Variants in STAT4 observed in about 807,000 individuals in gnomAD.
The protein encoded by STAT4 is signal transducer and activator of transcription 4.
A neutral mutation model predicts 110.5 loss-of-function variants in STAT4; 42 were observed. The ratio of observed to expected loss-of-function variants is 0.38; its 90% CI spans 0.30 to 0.49. The LOEUF is 0.49. STAT4 is among the 20% of genes least tolerant of loss of function. The probability of loss-of-function intolerance (pLI) is 0.95; values close to 1 mark genes in which losing one functional copy is unlikely to be tolerated. For missense variants in STAT4, 632 were observed against 887.9 expected, an observed-to-expected ratio of 0.71 and a Z score of 3.66; for synonymous variants, 284 against 302.2, an observed-to-expected ratio of 0.94 and a Z score of 0.63.
intron 3 of STAT4, among the ~76,000 whole-genome samples, chr2:191,126,454 T>C (rs1327898123): frequency 2.0e-5 from 3 of 152,246 alleles, no homozygotes; most frequent in Admixed American, 6.5e-5. Flanking sequence ...ACAACCACCA[T>C]GATGCTCCTA....
chr2:191,149,688 G>A (rs1267081056), intron 1 of STAT4, among the ~76,000 whole-genome samples: 2 of 152,166 alleles, frequency 1.3e-5, no homozygotes, highest in African/African-American at 4.8e-5. Flanking sequence ...GATATCGGAT[G>A]TATATATATT....
intron 3 of STAT4, among the ~76,000 whole-genome samples, chr2:191,078,352 T>A (rs1697370557): frequency 6.6e-6 from 1 of 152,200 alleles, no homozygotes; most frequent in Non-Finnish European, 1.5e-5. Context: ...TTGAACTTCT[T>A]CTACCTTCCT....
rs1695841221 is a variant in STAT4, at chr2:191,029,995, A to G, written c.2221-129T>C. 2.7e-6 allele frequency: 2 copies of G among 727,998 alleles called. No homozygotes were observed. Among genetic ancestry groups the G allele is most frequent in the Non-Finnish European group, 4.6e-6 (2 of 436,394 alleles). 45.1% of individuals were successfully genotyped at this position (727,998 alleles called of 1,614,324 possible). A position where few individuals can be genotyped will look rare whatever the true frequency, so the allele number is the denominator to read the frequency against. ...AATTTTTCTATTACCTAGTTAAAATACTTAAACTAAGTATTTGCAAAAGTA... is the reference window on the plus strand; with the variant it reads ...AATTTTTCTATTACCTAGTTAAAATGCTTAAACTAAGTATTTGCAAAAGTA... On this transcript the variant is annotated intron_variant, in intron 23 of 23. Transcript: ENST00000392320. The surrounding 1 kb of genome is among the most constrained non-coding windows in gnomAD (Gnocchi z 4.5).
intron 3 of STAT4, among the ~76,000 whole-genome samples, chr2:191,101,158 T>C (rs936371472): frequency 3.9e-5 from 6 of 152,158 alleles, no homozygotes; most frequent in Non-Finnish European, 7.4e-5. Context: ...GTAAAAATGT[T>C]CTTTGCAGAA....
intron 4 of STAT4, 26 bp downstream of exon 4, chr2:191,076,201 A>G: frequency 5.7e-6 from 9 of 1,587,236 alleles, no homozygotes; most frequent in Non-Finnish European, 7.8e-6. Flanking sequence ...AGGTGATAAC[A>G]AGATCACAAG....
intron 3 of STAT4, among the ~76,000 whole-genome samples, chr2:191,141,283 A>G (rs1402217765): frequency 4.0e-5 from 6 of 151,878 alleles, no homozygotes; most frequent in African/African-American, 1.2e-4. Flanking sequence ...GTCAACAGAT[A>G]TAAGAAAAAA....
At chr2:191,048,308 A>G (rs6715106) in intron 14 of STAT4, among the ~76,000 whole-genome samples, 9,478 of 152,270 alleles carry the variant, frequency 0.062, 343 homozygotes, top group Middle Eastern at 0.12. Context: ...CTGACATACT[A>G]TACACAAGAC....
At chr2:191,098,437 A>G (rs1254994217) in intron 3 of STAT4, among the ~76,000 whole-genome samples, 2 of 152,224 alleles carry the variant, frequency 1.3e-5, no homozygotes, top group African/African-American at 2.4e-5. Flanking sequence ...GCAGCCATAA[A>G]AAAGGATGAG....
chr2:191,130,897 A>G (rs1699017460), intron 3 of STAT4, among the ~76,000 whole-genome samples: 1 of 151,740 alleles, frequency 6.6e-6, no homozygotes, highest in African/African-American at 2.4e-5. Context: ...AGCACTACAT[A>G]TGAAAGCATA....
chr2:191,109,217 A>G (rs1046326623), intron 3 of STAT4, among the ~76,000 whole-genome samples: 1 of 152,178 alleles, frequency 6.6e-6, no homozygotes, highest in African/African-American at 2.4e-5. Context: ...AGGAAATTCT[A>G]TTCATTTTGA....
chr2:191,049,257 C>T (rs1696450087), intron 14 of STAT4, among the ~76,000 whole-genome samples: 1 of 147,450 alleles, frequency 6.8e-6, no homozygotes, highest in African/African-American at 2.5e-5. Context: ...TCACTGCAAG[C>T]TCTGCCTCCC....
chr2:191,036,995 C>G (rs1048405087), intron 16 of STAT4, among the ~76,000 whole-genome samples: 2 of 152,154 alleles, frequency 1.3e-5, no homozygotes, highest in African/African-American at 4.8e-5. Flanking sequence ...AATCAGGGCT[C>G]CATCTTTCTT....
Position 191,029,820 on chromosome 2 carries a change from G to T in STAT4, c.*20C>A. On this transcript the variant is annotated 3_prime_UTR_variant, in exon 24 of 24. Transcript: ENST00000392320. This position sits in a 1 kb window ranked among gnomAD's most constrained non-coding sequence, Gnocchi z 4.5. ...ACTTTTTCATTTGCTTCCTTTCTTG[G>T]TGCGTCAGAGTTTATCCTGTCATTC... 1 of 1,596,390 alleles carries T rather than the reference G, an allele frequency of 6.3e-7. No individual in the cohort carries two copies. Among genetic ancestry groups the T allele is most frequent in the Admixed American group, 1.8e-5 (1 of 56,668 alleles).
At chr2:191,129,727 C>A (rs1411866973) in intron 3 of STAT4, among the ~76,000 whole-genome samples, 6 of 152,168 alleles carry the variant, frequency 3.9e-5, no homozygotes, top group Non-Finnish European at 5.9e-5. Flanking sequence ...GCTCAAACTC[C>A]TCAGTGGCTT....
chr2:191,032,874 G>T lies in STAT4; in HGVS notation c.2044+84C>A. On this transcript the variant is annotated intron_variant, in intron 21 of 23. Transcript: ENST00000392320. The surrounding 1 kb of genome is among the most constrained non-coding windows in gnomAD (Gnocchi z 4.9). ...CAGAAATCAGAGTAAACAAGAAGGG[G>T]AACTTCATTTACTTTGCTCCAATAT... The T allele has an allele frequency of 7.5e-7, 1 of 1,331,322 alleles. No homozygotes were observed. Among genetic ancestry groups the T allele is most frequent in the Non-Finnish European group, 1.0e-6 (1 of 967,510 alleles). 82.5% of individuals were successfully genotyped at this position (1,331,322 alleles called of 1,614,324 possible).
In STAT4 at chr2:191,140,637, C is replaced by A. The variant is rs1699297100; in HGVS notation, c.273+5976G>T. ...GTGAAAAGGGAACACTGTTAGACTG[C>A]TGATGGGAATGTAAACTAGTACAAC... is the stretch of plus-strand genomic sequence containing the variant. On this transcript the variant is annotated intron_variant, in intron 3 of 23. Coordinates refer to ENST00000392320, the MANE Select transcript of STAT4 (RefSeq NM_003151.4). This position sits in a 1 kb window ranked among gnomAD's most constrained non-coding sequence, Gnocchi z 4.4. Among the ~76,000 whole-genome samples, 1 of 152,134 alleles carries A rather than the reference C, an allele frequency of 6.6e-6. No homozygotes were observed. Among genetic ancestry groups the A allele is most frequent in the Non-Finnish European group, 1.5e-5 (1 of 68,018 alleles).
rs561975216 is a variant in STAT4 at position 191,029,982 on chromosome 2, A to G, written c.2221-116T>C. ...CGAATTACTCCATAATTTTTCTATTACCTAGTTAAAATACTTAAACTAAGT... is the reference window on the plus strand; with the variant it reads ...CGAATTACTCCATAATTTTTCTATTGCCTAGTTAAAATACTTAAACTAAGT... On this transcript the variant is annotated intron_variant, in intron 23 of 23. Coordinates refer to ENST00000392320, the MANE Select transcript of STAT4 (RefSeq NM_003151.4). The surrounding 1 kb of genome is among the most constrained non-coding windows in gnomAD (Gnocchi z 4.5). The G allele has an allele frequency of 2.7e-5, 22 of 811,254 alleles. No homozygotes were observed. In the South Asian group the frequency reaches 3.6e-4, roughly 13 times the overall value. 50.3% of individuals were successfully genotyped at this position (811,254 alleles called of 1,614,324 possible).
In STAT4 at chr2:191,087,897, TA is replaced by T. The variant is rs1051229782; in HGVS notation, c.274-11573del. Among the ~76,000 whole-genome samples the T allele has an allele frequency of 6.0e-4, 89 of 148,770 alleles. 2 individuals carry two copies. The highest frequency in any genetic ancestry group is 3.4e-3 in the Middle Eastern group (1 of 290). ...GGAATAGTGAAATTTCTCAACTTGA[TA>T]AAAAAAAAATGTACCAAAAAATCTA... is the stretch of plus-strand genomic sequence containing the variant. On this transcript the variant is annotated intron_variant, in intron 3 of 23. Transcript: ENST00000392320.
chr2:191,125,520 C>T (rs1698858557), intron 3 of STAT4, among the ~76,000 whole-genome samples: 1 of 63,466 alleles, frequency 1.6e-5, no homozygotes, highest in Non-Finnish European at 3.8e-5. Flanking sequence ...CAGGGCCTTG[C>T]TCTGTCACCC....
Sources: gnomAD v4.1 joint callset for allele counts (sites outside exome capture counted in the v4.1 genomes callset) on GRCh38, gnomAD v4.1.1 for gene constraint, Gnocchi (gnomAD v3.1) non-coding constraint, MANE v1.5 for transcripts, NCBI Gene and HGNC (gene_info 2026-07-23, HGNC 2026-07-21) for gene names.